Variants in LMTK2 observed in about 807,000 individuals in gnomAD.
LMTK2 encodes the protein serine/threonine-protein kinase LMTK2.
A neutral mutation model predicts 127.5 loss-of-function variants in LMTK2; 37 were observed. The observed-to-expected ratio is 0.29, with a 90% CI of 0.22 to 0.38. The LOEUF (loss-of-function observed/expected upper bound fraction) is 0.38. Ranked by LOEUF, LMTK2 falls within the 10% of genes least tolerant of loss-of-function variation. The pLI, the probability that LMTK2 is intolerant of heterozygous loss-of-function variation, is 1.00. For missense variants in LMTK2, 1,694 were observed against 1,920.3 expected (o/e 0.88, Z 2.20); for synonymous variants, 819 against 810.1 (o/e 1.01, Z -0.19).
chr7:98,178,016 A>G (rs960648180), intron 7 of LMTK2, among the ~76,000 whole-genome samples: 7 of 152,190 alleles, frequency 4.6e-5, no homozygotes, highest in Admixed American at 4.6e-4. Flanking sequence ...AGGCTTTGGA[A>G]TTGAAGTTTT....
At chr7:98,137,023 T>G (rs942623980) in intron 1 of LMTK2, among the ~76,000 whole-genome samples, 1 of 152,232 alleles carries the variant, frequency 6.6e-6, no homozygotes, top group African/African-American at 2.4e-5. Context: ...TTACCAGTGT[T>G]ACTGTCCTAG....
At chr7:98,197,039 G>A (rs1381745259) in intron 11 of LMTK2, among the ~76,000 whole-genome samples, 3 of 152,206 alleles carry the variant, frequency 2.0e-5, no homozygotes, top group Non-Finnish European at 4.4e-5. Context: ...TAGTTTTTAA[G>A]CAGTTGAAGT....
At chr7:98,187,840 G>T (rs567332164) in intron 9 of LMTK2, among the ~76,000 whole-genome samples, 14 of 151,926 alleles carry the variant, frequency 9.2e-5, no homozygotes, top group Non-Finnish European at 1.9e-4. Context: ...CAAGTGATCC[G>T]CCTGCCTCGT....
chr7:98,203,518 C>CGG, intron 11 of LMTK2, 56 bp from the exon 12 acceptor site: 1 of 1,542,706 alleles, frequency 6.5e-7, no homozygotes. Context: ...AGCGGTCACA[C>CGG]GGGGGGTTCC....
In LMTK2 at chr7:98,192,823, C is replaced by G. The variant is rs140516353; in HGVS notation, c.2358C>G (p.Asn786Lys). Residue 786 changes from asparagine (N) to lysine (K), a missense_variant, in exon 11 of 14, where the codon AAC (asparagine) becomes AAG (lysine). Around this residue, in one of 8 missense-constraint regions of LMTK2, gnomAD observed 527 missense variants for 539.8 expected, o/e 0.98. Coordinates refer to ENST00000297293, the MANE Select transcript of LMTK2 (RefSeq NM_014916.4). ...CAGGCTTGTCTTTGTTGCAGGAAAACGTAAGCACAAAGGGTGACGATACAG... is the reference window on the plus strand; with the variant it reads ...CAGGCTTGTCTTTGTTGCAGGAAAAGGTAAGCACAAAGGGTGACGATACAG... ...NKPGLSLLQENVSTKGDDTDV... is the reference protein window; with the variant it reads ...NKPGLSLLQEKVSTKGDDTDV... 6.2e-7 allele frequency: 1 copy of G among 1,613,758 alleles called. No individual in the cohort carries two copies. The highest frequency in any genetic ancestry group is 1.1e-5 in the South Asian group (1 of 91,022).
intron 6 of LMTK2, among the ~76,000 whole-genome samples, chr7:98,168,350 AAAT>A (rs1397416446): frequency 6.6e-6 from 1 of 152,212 alleles, no homozygotes; most frequent in Admixed American, 6.5e-5. Flanking sequence ...TGCTGAGAAA[AAAT>A]AGACACAGGC....
chr7:98,132,399 C>T lies in LMTK2; in HGVS notation c.104-4916C>T, dbSNP rs567090355. Among the ~76,000 whole-genome samples, 5 of 152,188 alleles carry T rather than the reference C, an allele frequency of 3.3e-5. No homozygotes were observed. In the South Asian group the frequency reaches 8.3e-4, roughly 25 times the overall value. ...CCGAGTAGCTGGGACCACAGGCGCG[C>T]GGCACCACGCCTGGCTAATTTTTTG... On this transcript the variant is annotated intron_variant, in intron 1 of 13. Transcript: ENST00000297293.
chr7:98,175,912 C>T (rs568896488), intron 7 of LMTK2, among the ~76,000 whole-genome samples: 1 of 152,312 alleles, frequency 6.6e-6, no homozygotes, highest in South Asian at 2.1e-4. Flanking sequence ...GAACAGGTGG[C>T]TCCAGTGTAT....
chr7:98,170,207 T>G (rs1797162434), intron 6 of LMTK2, among the ~76,000 whole-genome samples: 1 of 152,238 alleles, frequency 6.6e-6, no homozygotes, highest in Non-Finnish European at 1.5e-5. Context: ...ACATCTCATA[T>G]TGTATTTGCA....
At chr7:98,145,168 A>C (rs1796753049) in intron 3 of LMTK2, among the ~76,000 whole-genome samples, 1 of 152,124 alleles carries the variant, frequency 6.6e-6, no homozygotes, top group South Asian at 2.1e-4. Context: ...CTAAATTGGT[A>C]TCAATTCAAA....
At chr7:98,155,221 A>G (rs1307035818) in intron 5 of LMTK2, among the ~76,000 whole-genome samples, 3 of 152,230 alleles carry the variant, frequency 2.0e-5, no homozygotes, top group African/African-American at 7.2e-5. Context: ...TAGAAGACAT[A>G]AAGAAGACAT....
rs1242940851 is a variant in LMTK2, at chr7:98,194,786, C to T, written c.4107+214C>T. ...CGTATTAAATTAAGAGAAAGAGACCCGAATGCTCTTCCTGGGTCTTCTAAT... is the reference window on the plus strand; with the variant it reads ...CGTATTAAATTAAGAGAAAGAGACCTGAATGCTCTTCCTGGGTCTTCTAAT... On this transcript the variant is annotated intron_variant, in intron 11 of 13. Transcript: ENST00000297293. This position sits in a 1 kb window ranked among gnomAD's most constrained non-coding sequence, Gnocchi z 5.4. Among the ~76,000 whole-genome samples, 3 of 152,188 alleles carry T rather than the reference C, an allele frequency of 2.0e-5. No individual in the cohort carries two copies. Among genetic ancestry groups the T allele is most frequent in the African/African-American group, 2.4e-5 (1 of 41,432 alleles).
intron 3 of LMTK2, among the ~76,000 whole-genome samples, chr7:98,145,824 C>G (rs1036177458): frequency 2.6e-5 from 4 of 152,150 alleles, no homozygotes; most frequent in African/African-American, 9.7e-5. Flanking sequence ...TTGATGAAGT[C>G]CAGTTTATCT....
intron 6 of LMTK2, among the ~76,000 whole-genome samples, chr7:98,163,500 G>A (rs1445183434): frequency 2.0e-5 from 3 of 152,154 alleles, no homozygotes; most frequent in Non-Finnish European, 2.9e-5. Context: ...GTTTCCTTGG[G>A]CAATTTCGTA....
At chr7:98,164,038 A>T (rs1213712597) in intron 6 of LMTK2, among the ~76,000 whole-genome samples, 2 of 152,262 alleles carry the variant, frequency 1.3e-5, no homozygotes, top group Non-Finnish European at 2.9e-5. Flanking sequence ...TTTTGCACTT[A>T]CTTAATTCCT....
chr7:98,126,081 C>T (rs903356148), intron 1 of LMTK2, among the ~76,000 whole-genome samples: 1 of 152,134 alleles, frequency 6.6e-6, no homozygotes, highest in Non-Finnish European at 1.5e-5. Flanking sequence ...TAGACTCCAT[C>T]GAGGGATTGT....
At chr7:98,133,830 A>G (rs1796560763) in intron 1 of LMTK2, among the ~76,000 whole-genome samples, 1 of 152,210 alleles carries the variant, frequency 6.6e-6, no homozygotes, top group African/African-American at 2.4e-5. Flanking sequence ...TTCATGAATC[A>G]GATAATTAGG....
intron 1 of LMTK2, among the ~76,000 whole-genome samples, chr7:98,124,419 G>A (rs1248232610): frequency 6.6e-6 from 1 of 152,192 alleles, no homozygotes; most frequent in African/African-American, 2.4e-5. Context: ...AGGCCAAGGT[G>A]GGGAGAATCA....
intron 1 of LMTK2, chr7:98,126,447 A>G (rs1329316352): frequency 2.0e-5 from 3 of 152,188 alleles, no homozygotes; most frequent in Non-Finnish European, 4.4e-5. Flanking sequence ...CCACCATTCA[A>G]AGCTGTTAAA....
Sources: gnomAD v4.1 joint callset for allele counts (sites outside exome capture counted in the v4.1 genomes callset) on GRCh38, gnomAD v4.1.1 for gene constraint, gnomAD v4.1.1 regional missense constraint, Gnocchi (gnomAD v3.1) non-coding constraint, MANE v1.5 for transcripts, NCBI Gene and HGNC (gene_info 2026-07-23, HGNC 2026-07-21) for gene names.